The following PLXNA1 variants were observed in gnomAD, a reference collection of about 807,000 sequenced individuals.
PLXNA1 encodes the protein plexin-A1.
A neutral mutation model predicts 191.7 loss-of-function variants in PLXNA1; 77 were observed. The ratio of observed to expected loss-of-function variants is 0.40; its 90% CI spans 0.33 to 0.49. The LOEUF is 0.49. PLXNA1 is among the 20% of genes least tolerant of loss of function. The probability of loss-of-function intolerance (pLI) is 0.63; values close to 1 mark genes in which losing one functional copy is unlikely to be tolerated. For synonymous variants in PLXNA1, 1,137 were observed against 1,156.4 expected, an observed-to-expected ratio of 0.98 and a Z score of 0.34; for missense variants, 2,110 against 2,660.2, an observed-to-expected ratio of 0.79 and a Z score of 4.55.
At position 127,022,831 on chromosome 3, in the gene PLXNA1, G is replaced by A. The variant is rs60819734; in HGVS notation, c.4362+13G>A. The A allele has an allele frequency of 0.06, 97,173 of 1,610,448 alleles. 4,582 individuals carry two copies. The highest frequency in any genetic ancestry group is 0.27 in the East Asian group (12,003 of 44,838). On this transcript the variant is annotated intron_variant, in intron 23 of 31. Transcript: ENST00000393409. ...TAAGTTCCTCAAGGTAAGCAGAGGCGGGAGGAAGCAGGTGTCAGAGGCAGG... is the reference window on the plus strand; with the variant it reads ...TAAGTTCCTCAAGGTAAGCAGAGGCAGGAGGAAGCAGGTGTCAGAGGCAGG...
chr3:127,006,270 C>A, intron 8 of PLXNA1, 92 bp downstream of exon 8: 1 of 984,834 alleles, frequency 1.0e-6, no homozygotes, highest in Non-Finnish European at 1.6e-6. Context: ...TGTCTGCAGA[C>A]CTGTCCTCAT....
rs1402176857 is a variant in PLXNA1, at chr3:127,029,504, C to T, written c.4838C>T (p.Ser1613Phe). 6.2e-7 allele frequency: 1 copy of T among 1,613,952 alleles called. No homozygotes were observed. The highest frequency in any genetic ancestry group is 2.2e-5 in the East Asian group (1 of 44,868). ...ACGTCCGCCTACAACATCTCCAACT[C>T]CTCCACCTTCACCAAGTCCCTCAGC... ...KQTSAYNISN[S>F]STFTKSLSRY... The change falls in exon 27 of 32, where the codon TCC (serine) becomes TTC (phenylalanine). Residue 1613 changes from serine (S) to phenylalanine (F), a missense_variant. Ser to Phe is a radical substitution (Grantham distance 155, BLOSUM62 -2). Coordinates refer to ENST00000393409, the MANE Select transcript of PLXNA1 (RefSeq NM_032242.4).
In PLXNA1 at chr3:126,991,571, G is replaced by C; in HGVS notation, c.1377+5G>C. On this transcript the variant is annotated splice_donor_5th_base_variant and intron_variant, in intron 3 of 31. Coordinates refer to ENST00000393409, the MANE Select transcript of PLXNA1 (RefSeq NM_032242.4). ...CGAAGTGGCCGCATCCGCAAGGTCA[G>C]GCCTGGGTGGGGTGGGGTGAGGAGG... 6.4e-7 allele frequency: 1 copy of C among 1,557,766 alleles called. No homozygotes were observed. Among genetic ancestry groups the C allele is most frequent in the East Asian group, 2.3e-5 (1 of 43,874 alleles).
Position 127,008,254 on chromosome 3 carries a change from A to G in PLXNA1, c.2112+341A>G, listed in dbSNP as rs560440115. Among the ~76,000 whole-genome samples, 15 of 151,988 alleles carry G rather than the reference A, an allele frequency of 9.9e-5. No individual in the cohort carries two copies. The South Asian group carries it at 3.1e-3, about 32-fold the overall frequency. The stretch of plus-strand genomic sequence containing the variant: ...CTGCAGACACGGGCTCCTGGGTGCA[A>G]TTGGGGGCACTGTCAGGCTGCAAAG... On this transcript the variant is annotated intron_variant, in intron 9 of 31. Coordinates refer to ENST00000393409, the MANE Select transcript of PLXNA1 (RefSeq NM_032242.4).
chr3:126,992,367 C>G (rs1041685719), intron 3 of PLXNA1, among the ~76,000 whole-genome samples: 3 of 152,056 alleles, frequency 2.0e-5, no homozygotes, highest in South Asian at 2.1e-4. Flanking sequence ...GGGTGCATAA[C>G]CGGCACCAGA....
intron 3 of PLXNA1, among the ~76,000 whole-genome samples, chr3:126,994,263 T>C (rs2079004857): frequency 6.6e-6 from 1 of 152,132 alleles, no homozygotes; most frequent in African/African-American, 2.4e-5. Flanking sequence ...ACCCCCTCTC[T>C]GAGGAGCCCC....
Position 127,017,818 on chromosome 3 carries a change from C to T in PLXNA1, c.3586C>T (p.Pro1196Ser). Residue 1196 changes from proline to serine, a missense_variant, in exon 19 of 32, where the codon CCC (proline) becomes TCC (serine). Pro to Ser is a moderately conservative substitution (Grantham distance 74). Coordinates refer to ENST00000393409, the MANE Select transcript of PLXNA1 (RefSeq NM_032242.4). ...LNYTVLIGST[P>S]CTLTVSETQL... ...CTACACGGTGCTCATCGGCTCCACA[C>T]CCTGTACCCTCACCGTGTCGGAGAC... is the stretch of plus-strand genomic sequence containing the variant. 3.1e-6 allele frequency: 5 copies of T among 1,613,126 alleles called. No individual in the cohort carries two copies. Among genetic ancestry groups the T allele is most frequent in the Non-Finnish European group, 3.4e-6 (4 of 1,180,024 alleles).
intron 31 of PLXNA1, 80 bp downstream of exon 31, chr3:127,032,916 G>A: frequency 6.9e-7 from 1 of 1,441,312 alleles, no homozygotes; most frequent in Non-Finnish European, 9.5e-7. Context: ...GCCCCGCCCT[G>A]CCACTCCTCC....
At chr3:126,995,357 C>A (rs2079010256) in intron 3 of PLXNA1, among the ~76,000 whole-genome samples, 1 of 152,224 alleles carries the variant, frequency 6.6e-6, no homozygotes, top group Non-Finnish European at 1.5e-5. Flanking sequence ...ACAGGAGCAG[C>A]CCCTGTTTTG....
intron 15 of PLXNA1, 138 bp downstream of exon 15, chr3:127,015,458 G>C (rs1419502464): frequency 4.2e-6 from 5 of 1,194,552 alleles, no homozygotes; most frequent in Non-Finnish European, 4.5e-6. Flanking sequence ...CAGAGGCGGA[G>C]GTTACCATGG....
intron 8 of PLXNA1, among the ~76,000 whole-genome samples, chr3:127,006,642 G>A (rs1026135117): frequency 9.2e-5 from 14 of 152,168 alleles, no homozygotes; most frequent in Admixed American, 7.8e-4. Context: ...GCCCAGACAC[G>A]GCCCCTGGGT....
intron 1 of PLXNA1, among the ~76,000 whole-genome samples, chr3:126,985,299 C>T (rs1262092732): frequency 6.6e-6 from 1 of 152,088 alleles, no homozygotes; most frequent in East Asian, 1.9e-4. Flanking sequence ...TGCACGCAGA[C>T]CGCGGGGTCT....
Position 126,999,997 on chromosome 3 carries a change from T to C in PLXNA1, c.1378-3333T>C, listed in dbSNP as rs552708085. Reference sequence around the variant, plus strand: ...GGCAGAAGCAGGTGGGGGCATCCCGTGTTCCGCCAGCCAGGGGTGGGTGGG... The same window carrying C: ...GGCAGAAGCAGGTGGGGGCATCCCGCGTTCCGCCAGCCAGGGGTGGGTGGG... On this transcript the variant is annotated intron_variant, in intron 3 of 31. Coordinates refer to ENST00000393409, the MANE Select transcript of PLXNA1 (RefSeq NM_032242.4). Among the ~76,000 whole-genome samples, 139 of 151,720 alleles carry C rather than the reference T, an allele frequency of 9.2e-4. 1 individual carries two copies. Among genetic ancestry groups the C allele is most frequent in the African/African-American group, 3.4e-3 (139 of 41,344 alleles).
At chr3:127,033,525 C>A (rs1406077897) in intron 31 of PLXNA1, among the ~76,000 whole-genome samples, 1 of 152,110 alleles carries the variant, frequency 6.6e-6, no homozygotes, top group Non-Finnish European at 1.5e-5. Context: ...GAGGAGCAGC[C>A]AGAGACTGCA....
At chr3:126,987,786 G>C (rs1034977443) in intron 1 of PLXNA1, among the ~76,000 whole-genome samples, 2 of 152,110 alleles carry the variant, frequency 1.3e-5, no homozygotes, top group Admixed American at 1.3e-4. Context: ...GGCACCCGTC[G>C]GCTGGGGTGG....
rs2079225384 is a variant in PLXNA1, at chr3:127,033,945, T to A, written c.5619T>A (p.Asp1873Glu). The A allele has an allele frequency of 6.2e-7, 1 of 1,605,102 alleles. No homozygotes were observed. The highest frequency in any genetic ancestry group is 8.5e-7 in the Non-Finnish European group (1 of 1,177,106). The change falls in exon 32 of 32, where the codon GAT becomes GAA. Residue 1873 changes from aspartate to glutamate, a missense_variant. This residue lies in a region of PLXNA1 where 559 missense variants were observed against 911.5 expected (regional missense o/e 0.61). Coordinates refer to ENST00000393409, the MANE Select transcript of PLXNA1 (RefSeq NM_032242.4). The stretch of plus-strand genomic sequence containing the variant: ...AGATCCTGGCAGCCCTGGAGAAGGA[T>A]GAGCAGGCGCGGCGGCAGCGGCTGC... The part of the protein sequence containing the change: ...KDEILAALEK[D>E]EQARRQRLRS...
intron 23 of PLXNA1, chr3:127,027,332 T>C: frequency 3.1e-6 from 1 of 325,552 alleles, no homozygotes; most frequent in South Asian, 2.6e-5. Flanking sequence ...TGCTGTGTGC[T>C]TGGGTGCTGG....
At position 126,989,382 on chromosome 3, in the gene PLXNA1, A is replaced by G. The variant is rs1174392874; in HGVS notation, c.789A>G (p.Leu263=). 2.5e-6 allele frequency: 4 copies of G among 1,613,472 alleles called. No homozygotes were observed. Among genetic ancestry groups the G allele is most frequent in the South Asian group, 1.1e-5 (1 of 91,094 alleles). ...TTGTCTACTACCTCACGCTGCAGCT[A>G]GACACACAGCTGACCTCGCCTGATG... The part of the protein sequence containing the change: ...EQFVYYLTLQ[L]DTQLTSPDAA... The change falls in exon 2 of 32, where the codon CTA becomes CTG. Residue 263 remains leucine, a synonymous_variant. Transcript: ENST00000393409.
In PLXNA1 at chr3:127,033,971, G is replaced by A. The variant is rs748684405; in HGVS notation, c.5645G>A (p.Arg1882Gln). The change falls in exon 32 of 32, where the codon CGG becomes CAG. Residue 1882 changes from arginine to glutamine, a missense_variant. This residue lies in a region of PLXNA1 where 559 missense variants were observed against 911.5 expected (regional missense o/e 0.61). Transcript: ENST00000393409. ...GAGCAGGCGCGGCGGCAGCGGCTGC[G>A]GAGCAAGCTGGAGCAGGTGGTGGAC... ...KDEQARRQRL[R>Q]SKLEQVVDTM... is the part of the protein sequence containing the mutation. The A allele has an allele frequency of 1.6e-5, 25 of 1,605,268 alleles. No homozygotes were observed. The highest frequency in any genetic ancestry group is 3.4e-4 in the Middle Eastern group (2 of 5,906).
Sources: allele counts gnomAD v4.1 joint callset (sites outside exome capture counted in the v4.1 genomes callset), GRCh38; gene constraint gnomAD v4.1.1; regional missense constraint gnomAD v4.1.1; transcripts MANE v1.5; gene names NCBI Gene and HGNC (gene_info 2026-07-23, HGNC 2026-07-21).